ZNF451: variants seen among roughly 807,000 people sequenced by gnomAD.
ZNF451 encodes E3 SUMO-protein ligase ZNF451.
A neutral mutation model predicts 107.1 loss-of-function variants in ZNF451; 80 were observed. The ratio of observed to expected loss-of-function variants is 0.75; its 90% CI spans 0.62 to 0.90. The LOEUF (loss-of-function observed/expected upper bound fraction) is 0.90. Ranked by LOEUF, ZNF451 falls within the 40% of genes least tolerant of loss-of-function variation. The pLI, the probability that ZNF451 is intolerant of heterozygous loss-of-function variation, is 0.00. For synonymous variants in ZNF451, 362 were observed against 406.5 expected (o/e 0.89, Z 1.32); for missense variants, 1,107 against 1,236.2 (o/e 0.90, Z 1.57).
At chr6:57,112,630 A>G (rs1830164775) in intron 3 of ZNF451, among the ~76,000 whole-genome samples, 1 of 152,148 alleles carries the variant, frequency 6.6e-6, no homozygotes, top group African/African-American at 2.4e-5. Flanking sequence ...AGTGCCTATG[A>G]TGAGTGAGAT....
intron 3 of ZNF451, chr6:57,100,520 A>T: frequency 7.2e-7 from 1 of 1,392,196 alleles, no homozygotes; most frequent in Non-Finnish European, 9.5e-7. Context: ...CTTACTGGAC[A>T]TGAATCTCTG....
At chr6:57,145,978 T>G (rs1562620305) in intron 9 of ZNF451, among the ~76,000 whole-genome samples, 1 of 152,200 alleles carries the variant, frequency 6.6e-6, no homozygotes, top group African/African-American at 2.4e-5. Context: ...TTTTGACTTT[T>G]TAATAACAGC....
intron 3 of ZNF451, chr6:57,105,379 A>G (rs1829804628): frequency 1.0e-6 from 1 of 984,606 alleles, no homozygotes; most frequent in Non-Finnish European, 1.2e-6. Context: ...CCATTTTTAT[A>G]TGAAGTGCCT....
intron 3 of ZNF451, chr6:57,101,655 A>G: frequency 1.3e-6 from 2 of 1,550,750 alleles, no homozygotes; most frequent in African/African-American, 1.4e-5. Context: ...TTCATGACCC[A>G]GAATTTGATC....
chr6:57,138,466 G>A (rs1471132586), intron 7 of ZNF451, among the ~76,000 whole-genome samples: 1 of 151,400 alleles, frequency 6.6e-6, no homozygotes, highest in East Asian at 1.9e-4. Context: ...GTTTCACCAC[G>A]TTGGCCAGGC....
chr6:57,105,881 AC>A, intron 3 of ZNF451: 1 of 984,064 alleles, frequency 1.0e-6, no homozygotes, highest in Non-Finnish European at 1.2e-6. Context: ...CAGTATAATT[AC>A]ATTTAAACTT....
At chr6:57,160,066 A>G (rs1000440991) in intron 13 of ZNF451, among the ~76,000 whole-genome samples, 4 of 152,146 alleles carry the variant, frequency 2.6e-5, no homozygotes, top group Non-Finnish European at 4.4e-5. Context: ...CAATGTTTCA[A>G]ATTTTTTAAA....
At chr6:57,138,729 A>ATGTGTGTGTGTGTG (rs1168633668) in intron 7 of ZNF451, among the ~76,000 whole-genome samples, 3 of 114,086 alleles carry the variant, frequency 2.6e-5, no homozygotes, top group Admixed American at 9.2e-5. Flanking sequence ...ATATATATAT[A>ATGTGTGTGTGTGTG]TATATATATA....
intron 2 of ZNF451, among the ~76,000 whole-genome samples, chr6:57,098,622 A>ATTTT (rs1829438001): frequency 6.6e-6 from 1 of 152,218 alleles, no homozygotes; most frequent in African/African-American, 2.4e-5. Flanking sequence ...GATGGAAAGA[A>ATTTT]AGAATGGAAA....
At chr6:57,114,820 A>G (rs1372851091) in intron 3 of ZNF451, 1 of 152,232 alleles carries the variant, frequency 6.6e-6, no homozygotes, top group Non-Finnish European at 1.5e-5. Flanking sequence ...CAATTTTATT[A>G]CATATGCTGA....
intron 3 of ZNF451, chr6:57,101,559 T>G (rs531339335): frequency 6.4e-7 from 1 of 1,550,954 alleles, no homozygotes; most frequent in Admixed American, 2.0e-5. Flanking sequence ...TTTACCACGC[T>G]GCCTCCATTG....
chr6:57,155,838 TTA>T (rs1763397548), intron 13 of ZNF451, among the ~76,000 whole-genome samples: 1 of 150,466 alleles, frequency 6.6e-6, no homozygotes, highest in South Asian at 2.1e-4. Flanking sequence ...TTTTTTTTTT[TTA>T]ATCACTCATA....
At chr6:57,121,171 C>G (rs984123741) in intron 3 of ZNF451, among the ~76,000 whole-genome samples, 1 of 152,084 alleles carries the variant, frequency 6.6e-6, no homozygotes, top group African/African-American at 2.4e-5. Context: ...GTTTTTGCTC[C>G]TCTGTCATAG....
At position 57,147,746 on chromosome 6, in the gene ZNF451, A is replaced by G. The variant is rs763155970; in HGVS notation, c.1661A>G (p.His554Arg). The change falls in exon 10 of 15, where the codon CAT becomes CGT. Residue 554 changes from histidine to arginine, a missense_variant. By Grantham distance (29) the His-to-Arg change is conservative. Coordinates refer to ENST00000370706, the MANE Select transcript of ZNF451 (RefSeq NM_001031623.3). ...DTIMAHVTEF[H>R]NGHRYFYEMD... ...ATCATGGCACATGTGACTGAATTTCATAATGGACACAGATATTTTTATGAG... is the reference window on the plus strand; with the variant it reads ...ATCATGGCACATGTGACTGAATTTCGTAATGGACACAGATATTTTTATGAG... The G allele has an allele frequency of 1.2e-6, 2 of 1,613,880 alleles. No individual in the cohort carries two copies. Among genetic ancestry groups the G allele is most frequent in the South Asian group, 1.1e-5 (1 of 91,084 alleles).
At position 57,099,068 on chromosome 6, in the gene ZNF451, C is replaced by T. The variant is rs1429158702; in HGVS notation, c.113C>T (p.Pro38Leu). ...EDDIQFVSEGPLRPVLEYIDL... is the reference protein window; with the variant it reads ...EDDIQFVSEGLLRPVLEYIDL... ...TTGCTTGATTGTTTATAGGAAGGACCATTACGACCTGTTCTTGAATACATT... is the reference window on the plus strand; with the variant it reads ...TTGCTTGATTGTTTATAGGAAGGACTATTACGACCTGTTCTTGAATACATT... The change falls in exon 3 of 15, where the codon CCA (proline) becomes CTA (leucine). Residue 38 changes from proline (P) to leucine (L), a missense_variant. Pro to Leu is a moderately conservative substitution (Grantham distance 98). This residue lies in a region of ZNF451 where 339 missense variants were observed against 372.8 expected (regional missense o/e 0.91). Coordinates refer to ENST00000370706, the MANE Select transcript of ZNF451 (RefSeq NM_001031623.3). 1 of 1,613,094 alleles carries T rather than the reference C, an allele frequency of 6.2e-7. No individual in the cohort carries two copies. Among genetic ancestry groups the T allele is most frequent in the Non-Finnish European group, 8.5e-7 (1 of 1,179,342 alleles).
chr6:57,116,694 G>A (rs916937331), intron 3 of ZNF451: 3 of 152,172 alleles, frequency 2.0e-5, no homozygotes, highest in African/African-American at 7.2e-5. Flanking sequence ...AGATTTCAGA[G>A]TTGAAGCCCT....
chr6:57,168,580 A>C lies in ZNF451; in HGVS notation c.*111A>C. 4 of 889,362 alleles carry C rather than the reference A, an allele frequency of 4.5e-6. No homozygotes were observed. Among genetic ancestry groups the C allele is most frequent in the Non-Finnish European group, 7.1e-6 (4 of 564,004 alleles). The allele number at this position is 889,362 out of a possible 1,614,324, so 55.1% of individuals were successfully genotyped here. ...AATCCACTATTACAAATGTATTTGA[A>C]AACATGTTTTTGCTTTCATATGTTC... is the stretch of plus-strand genomic sequence containing the variant. On this transcript the variant is annotated 3_prime_UTR_variant, in exon 15 of 15. Coordinates refer to ENST00000370706, the MANE Select transcript of ZNF451 (RefSeq NM_001031623.3).
intron 13 of ZNF451, among the ~76,000 whole-genome samples, chr6:57,155,079 G>C (rs1763346781): frequency 1.3e-5 from 2 of 152,032 alleles, no homozygotes; most frequent in African/African-American, 4.8e-5. Flanking sequence ...ATGAACTCTT[G>C]TGTCTTTATG....
chr6:57,147,866 A>T lies in ZNF451; in HGVS notation c.1781A>T (p.Asp594Val). ...NKPSSAITVI[D>V]HSPANSSPRG... ...CCTTCATCAGCTATTACTGTTATTGATCATTCCCCGGCAAATAGTTCTCCG... is the reference window on the plus strand; with the variant it reads ...CCTTCATCAGCTATTACTGTTATTGTTCATTCCCCGGCAAATAGTTCTCCG... Residue 594 changes from aspartate (D) to valine (V), a missense_variant, in exon 10 of 15, where the codon GAT (aspartate) becomes GTT (valine). This residue lies in a region of ZNF451 where 608 missense variants were observed against 649.2 expected (regional missense o/e 0.94). Coordinates refer to ENST00000370706, the MANE Select transcript of ZNF451 (RefSeq NM_001031623.3). 1 of 1,614,150 alleles carries T rather than the reference A, an allele frequency of 6.2e-7. No individual in the cohort carries two copies. Among genetic ancestry groups the T allele is most frequent in the Non-Finnish European group, 8.5e-7 (1 of 1,179,990 alleles).
Sources: gnomAD v4.1 joint callset for allele counts (sites outside exome capture counted in the v4.1 genomes callset) on GRCh38, gnomAD v4.1.1 for gene constraint, gnomAD v4.1.1 regional missense constraint, MANE v1.5 for transcripts, NCBI Gene and HGNC (gene_info 2026-07-23, HGNC 2026-07-21) for gene names.